PALM2AKAP2: variants seen among roughly 807,000 people sequenced by gnomAD.
PALM2AKAP2 encodes the protein PALM2-AKAP2 fusion protein.
A neutral mutation model predicts 71.5 loss-of-function variants in PALM2AKAP2; 37 were observed. The observed-to-expected ratio is 0.52, with a 90% CI of 0.40 to 0.68. The LOEUF (loss-of-function observed/expected upper bound fraction) is 0.68. PALM2AKAP2 is among the 30% of genes least tolerant of loss of function. The probability of loss-of-function intolerance (pLI) is 0.00; values close to 1 mark genes in which losing one functional copy is unlikely to be tolerated. For synonymous variants in PALM2AKAP2, 468 were observed against 478.8 expected, an observed-to-expected ratio of 0.98 and a Z score of 0.29; for missense variants, 1,224 against 1,191.8, an observed-to-expected ratio of 1.03 and a Z score of -0.40.
chr9:109,866,549 A>T (rs546127398), intron 1 of PALM2AKAP2, among the ~76,000 whole-genome samples: 1 of 152,220 alleles, frequency 6.6e-6, no homozygotes, highest in Non-Finnish European at 1.5e-5. Flanking sequence ...CTCTAATGGA[A>T]AGGTTATAGT....
chr9:110,057,562 T>C (rs1047798670), intron 1 of PALM2AKAP2, among the ~76,000 whole-genome samples: 2 of 151,702 alleles, frequency 1.3e-5, no homozygotes, highest in Admixed American at 6.6e-5. Flanking sequence ...GTATTTTTAG[T>C]AGAGACGGGG....
chr9:109,740,948 G>A (rs1587890051), intron 1 of PALM2AKAP2, among the ~76,000 whole-genome samples: 2 of 152,086 alleles, frequency 1.3e-5, no homozygotes, highest in African/African-American at 4.8e-5. Flanking sequence ...CACTGCACCC[G>A]GTCAGACTTT....
intron 1 of PALM2AKAP2, among the ~76,000 whole-genome samples, chr9:109,787,114 C>T (rs1193903181): frequency 6.6e-6 from 1 of 152,192 alleles, no homozygotes; most frequent in Non-Finnish European, 1.5e-5. Context: ...TAGTTACCAG[C>T]ATGGATTTTG....
chr9:109,768,343 C>T (rs570705056), intron 1 of PALM2AKAP2, among the ~76,000 whole-genome samples: 1 of 151,104 alleles, frequency 6.6e-6, no homozygotes, highest in Non-Finnish European at 1.5e-5. Flanking sequence ...CCTTTTGCCT[C>T]TTTCAAATGC....
intron 1 of PALM2AKAP2, among the ~76,000 whole-genome samples, chr9:109,665,117 G>C (rs565924883): frequency 1.3e-5 from 2 of 152,072 alleles, no homozygotes; most frequent in Non-Finnish European, 2.9e-5. Context: ...GCTTCCTTGC[G>C]ATGGGTTCGA....
At chr9:110,111,071 TTTTC>T (rs1385187460) in intron 1 of PALM2AKAP2, among the ~76,000 whole-genome samples, 4 of 148,796 alleles carry the variant, frequency 2.7e-5, no homozygotes, top group Admixed American at 1.4e-4. Flanking sequence ...TCCTTTTTTC[TTTTC>T]TTTCTTTCTT....
At chr9:109,724,233 A>G (rs1383300740) in intron 1 of PALM2AKAP2, among the ~76,000 whole-genome samples, 3 of 152,222 alleles carry the variant, frequency 2.0e-5, no homozygotes, top group Admixed American at 6.5e-5. Flanking sequence ...AAGAATAAAA[A>G]GAAGAAGACT....
intron 1 of PALM2AKAP2, among the ~76,000 whole-genome samples, chr9:109,858,288 A>C (rs1415770609): frequency 6.6e-6 from 1 of 152,232 alleles, no homozygotes; most frequent in Non-Finnish European, 1.5e-5. Flanking sequence ...TAAACATGTT[A>C]AATCACACAA....
At chr9:110,060,402 A>G (rs1170295959) in intron 1 of PALM2AKAP2, among the ~76,000 whole-genome samples, 1 of 151,964 alleles carries the variant, frequency 6.6e-6, no homozygotes, top group Non-Finnish European at 1.5e-5. Context: ...TTTTAGCCTG[A>G]CAACTACTCT....
At chr9:110,127,155 ACTC>A (rs1427445434) in intron 1 of PALM2AKAP2, among the ~76,000 whole-genome samples, 1 of 152,140 alleles carries the variant, frequency 6.6e-6, no homozygotes. Context: ...CAGGAACAGG[ACTC>A]CTGGCCTCCA....
chr9:109,913,175 T>G (rs1830610562), intron 3 of PALM2AKAP2, among the ~76,000 whole-genome samples: 1 of 152,220 alleles, frequency 6.6e-6, no homozygotes, highest in Non-Finnish European at 1.5e-5. Context: ...ATGTGATCAG[T>G]CTTCTCTTCC....
intron 6 of PALM2AKAP2, among the ~76,000 whole-genome samples, chr9:109,983,051 C>G (rs778170797): frequency 2.0e-5 from 3 of 152,162 alleles, no homozygotes; most frequent in Non-Finnish European, 4.4e-5. Context: ...CAGAACTGCA[C>G]GTAGCCTCAC....
chr9:109,662,408 G>A (rs1587858152), intron 1 of PALM2AKAP2, among the ~76,000 whole-genome samples: 1 of 152,284 alleles, frequency 6.6e-6, no homozygotes, highest in Middle Eastern at 3.4e-3. Flanking sequence ...GGCCTTTTCT[G>A]CATCTATTGA....
chr9:109,807,168 G>A (rs1303976979), intron 1 of PALM2AKAP2, among the ~76,000 whole-genome samples: 2 of 152,158 alleles, frequency 1.3e-5, no homozygotes, highest in Non-Finnish European at 2.9e-5. Context: ...AGTCCAGAAT[G>A]TGCCAAAGGT....
intron 2 of PALM2AKAP2, among the ~76,000 whole-genome samples, chr9:110,152,887 C>T (rs950970847): frequency 2.6e-5 from 4 of 152,196 alleles, no homozygotes; most frequent in African/African-American, 9.6e-5. Flanking sequence ...GCTGAGCTAG[C>T]TTCCCTTGAT....
chr9:110,121,839 A>G (rs1051298888), intron 1 of PALM2AKAP2, among the ~76,000 whole-genome samples: 3 of 152,194 alleles, frequency 2.0e-5, no homozygotes, highest in African/African-American at 7.2e-5. Flanking sequence ...ATCCTCTCAC[A>G]GGCTTTCTTG....
intron 1 of PALM2AKAP2, among the ~76,000 whole-genome samples, chr9:110,084,380 A>T (rs1009922110): frequency 9.9e-5 from 15 of 152,206 alleles, no homozygotes; most frequent in African/African-American, 3.6e-4. Flanking sequence ...TTAAATTATC[A>T]TTCTCCATAT....
At chr9:109,852,463 A>T (rs974636010) in intron 1 of PALM2AKAP2, among the ~76,000 whole-genome samples, 1 of 152,286 alleles carries the variant, frequency 6.6e-6, no homozygotes, top group East Asian at 1.9e-4. Context: ...GGTTGATTTC[A>T]TGTCTTTGTT....
At chr9:109,946,687 C>CAAAAAAAAAA (rs746162235) in intron 6 of PALM2AKAP2, 3 of 37,822 alleles carry the variant, frequency 7.9e-5, no homozygotes, top group East Asian at 8.0e-4. Context: ...AACTCCATCT[C>CAAAAAAAAAA]AAAAAAAAAA....
Sources: allele counts gnomAD v4.1 joint callset (sites outside exome capture counted in the v4.1 genomes callset), GRCh38; gene constraint gnomAD v4.1.1; transcripts MANE v1.5; gene names NCBI Gene and HGNC (gene_info 2026-07-23, HGNC 2026-07-21).